TTC39B: variants seen among roughly 807,000 people sequenced by gnomAD.
TTC39B encodes the protein tetratricopeptide repeat protein 39B.
TTC39B carries 92 observed loss-of-function variants against 96.6 expected under a neutral mutation model. The ratio of observed to expected loss-of-function variants is 0.95; its 90% CI spans 0.80 to 1.13. TTC39B has a LOEUF of 1.13. TTC39B is among the 50% of genes most tolerant of loss of function. The pLI is 0.00. For missense variants in TTC39B, 955 were observed against 809.3 expected, an observed-to-expected ratio of 1.18 and a Z score of -2.18; for synonymous variants, 367 against 299.4, an observed-to-expected ratio of 1.23 and a Z score of -2.33.
rs115676493 is a variant in TTC39B, at chr9:15,301,819, C to T, written c.240+5265G>A. The stretch of plus-strand genomic sequence containing the variant: ...GTAATGAATTTTATCAAAACTTCAT[C>T]TAAACTTCCAAAGAGAAATTAGCCA... On this transcript the variant is annotated intron_variant, in intron 1 of 19. Coordinates refer to ENST00000512701, the Ensembl canonical transcript of TTC39B. Among the ~76,000 whole-genome samples, 1,046 of 151,818 alleles carry T rather than the reference C, an allele frequency of 6.9e-3. 13 individuals carry two copies. Among genetic ancestry groups the T allele is most frequent in the African/African-American group, 0.024 (993 of 41,442 alleles).
At chr9:15,175,074 A>G (rs1817858836) in exon 19 of TTC39B, 1 of 1,613,806 alleles carries the variant, frequency 6.2e-7, no homozygotes, top group East Asian at 2.2e-5. Context: ...CTTTTATACA[A>G]AGATGCCAAT....
chr9:15,232,906 C>T (rs981258038), intron 2 of TTC39B, among the ~76,000 whole-genome samples: 8 of 152,286 alleles, frequency 5.3e-5, no homozygotes, highest in Admixed American at 1.3e-4. Flanking sequence ...CCAGTGGTGC[C>T]GGGAGACGAC....
At chr9:15,304,010 C>A (rs1563801630) in intron 1 of TTC39B, among the ~76,000 whole-genome samples, 1 of 152,120 alleles carries the variant, frequency 6.6e-6, no homozygotes, top group Non-Finnish European at 1.5e-5. Context: ...CTTTTTGGCA[C>A]TTGAGATAAT....
At chr9:15,289,446 G>A (rs1262011762) in intron 1 of TTC39B, among the ~76,000 whole-genome samples, 1 of 152,220 alleles carries the variant, frequency 6.6e-6, no homozygotes, top group Non-Finnish European at 1.5e-5. Context: ...CACCAGAGCT[G>A]CACACAGCCA....
intron 3 of TTC39B, among the ~76,000 whole-genome samples, chr9:15,218,141 G>C (rs1820626951): frequency 7.3e-6 from 1 of 136,736 alleles, no homozygotes; most frequent in Admixed American, 7.8e-5. Context: ...CTGCATTCCA[G>C]TCTGGCAACA....
chr9:15,186,707 TGGAGACAGAG>T, intron 15 of TTC39B: 2 of 363,842 alleles, frequency 5.5e-6, no homozygotes, highest in Non-Finnish European at 9.9e-6. Flanking sequence ...GGTTTTTTTT[TGGAGACAGAG>T]TCTCACTCTG....
In TTC39B at chr9:15,254,460, G is replaced by A. The variant is rs148408127; in HGVS notation, c.275+13454C>T. Among the ~76,000 whole-genome samples, 316 of 151,986 alleles carry A rather than the reference G, an allele frequency of 2.1e-3. 2 individuals are homozygous for A. The highest frequency in any genetic ancestry group is 0.015 in the Admixed American group (223 of 15,260). On this transcript the variant is annotated intron_variant, in intron 2 of 19. Coordinates refer to ENST00000512701, the Ensembl canonical transcript of TTC39B. ...ATATTATATGTATATACTATGTTAC[G>A]TTTGCTTTACGCTTTGCAGTTTTAC... is the stretch of plus-strand genomic sequence containing the variant.
intron 1 of TTC39B, among the ~76,000 whole-genome samples, chr9:15,286,697 A>C (rs1289807332): frequency 6.6e-6 from 1 of 152,170 alleles, no homozygotes; most frequent in Non-Finnish European, 1.5e-5. Context: ...ATGACGCTGA[A>C]ACTGAGCTTC....
At chr9:15,229,493 A>G (rs925128376) in intron 2 of TTC39B, among the ~76,000 whole-genome samples, 1 of 152,244 alleles carries the variant, frequency 6.6e-6, no homozygotes, top group Non-Finnish European at 1.5e-5. Flanking sequence ...TGGTAAGATT[A>G]TGGTTTTATT....
chr9:15,288,636 C>T (rs1204161593), intron 1 of TTC39B, among the ~76,000 whole-genome samples: 1 of 152,208 alleles, frequency 6.6e-6, no homozygotes, highest in Admixed American at 6.5e-5. Context: ...CCTGATTCTT[C>T]CTGGACACTG....
chr9:15,184,434 A>AC (rs1270611163), intron 16 of TTC39B, among the ~76,000 whole-genome samples: 6 of 151,726 alleles, frequency 4.0e-5, no homozygotes, highest in Non-Finnish European at 2.9e-5. Context: ...AAAAAAAAAA[A>AC]AACTCAGGAA....
At chr9:15,274,044 A>C (rs145170111) in intron 1 of TTC39B, among the ~76,000 whole-genome samples, 85 of 152,334 alleles carry the variant, frequency 5.6e-4, no homozygotes, top group African/African-American at 2.0e-3. Context: ...GATTCCTCAA[A>C]TATTGAATTT....
At chr9:15,176,514 G>A (rs972897554) in intron 18 of TTC39B, among the ~76,000 whole-genome samples, 6 of 152,120 alleles carry the variant, frequency 3.9e-5, no homozygotes, top group Admixed American at 2.6e-4. Context: ...AGGTGGCCAC[G>A]GATGGAAAGG....
intron 3 of TTC39B, among the ~76,000 whole-genome samples, chr9:15,217,266 C>T (rs925969510): frequency 5.3e-5 from 8 of 152,202 alleles, no homozygotes; most frequent in African/African-American, 1.7e-4. Context: ...CATTTTAACT[C>T]CTGCCAATTC....
At chr9:15,166,686 C>G (rs919520622) in exon 20 of TTC39B, 2 of 151,820 alleles carry the variant, frequency 1.3e-5, no homozygotes, top group Admixed American at 6.6e-5. Context: ...CAATAGGCAG[C>G]AGAAACAAGC....
At chr9:15,209,556 T>C (rs1820067146) in intron 6 of TTC39B, among the ~76,000 whole-genome samples, 1 of 152,192 alleles carries the variant, frequency 6.6e-6, no homozygotes, top group Non-Finnish European at 1.5e-5. Flanking sequence ...TACCTATAAA[T>C]ATTGTAAGTT....
chr9:15,190,523 G>A, intron 11 of TTC39B, 31 bp downstream of exon 11: 2 of 1,584,044 alleles, frequency 1.3e-6, no homozygotes, highest in Non-Finnish European at 1.7e-6. Flanking sequence ...GACAATCAAT[G>A]TTCAATGAAA....
chr9:15,234,127 G>C (rs1183488004), intron 2 of TTC39B, among the ~76,000 whole-genome samples: 1 of 147,064 alleles, frequency 6.8e-6, no homozygotes, highest in Non-Finnish European at 1.5e-5. Flanking sequence ...CGGCCGCCCC[G>C]TCTGAGAAGT....
In TTC39B at chr9:15,210,444, C is replaced by T. The variant is rs537405276; in HGVS notation, c.615-280G>A. ...ACCTCCAAAGTACCTTCCCTTATCC[C>T]TATAACTAAAATCAGTATTTGTGGT... On this transcript the variant is annotated intron_variant, in intron 5 of 19. Coordinates refer to ENST00000512701, the Ensembl canonical transcript of TTC39B. Among the ~76,000 whole-genome samples, 8 of 152,360 alleles carry T rather than the reference C, an allele frequency of 5.3e-5. No homozygotes were observed. In the South Asian group the frequency reaches 1.7e-3, roughly 32 times the overall value.
Sources: allele counts gnomAD v4.1 joint callset (sites outside exome capture counted in the v4.1 genomes callset), GRCh38; gene constraint gnomAD v4.1.1; transcripts MANE v1.5; gene names NCBI Gene and HGNC (gene_info 2026-07-23, HGNC 2026-07-21).